The following WBP4 variants were observed in gnomAD, a reference collection of about 807,000 sequenced individuals.
WBP4 encodes WW domain-binding protein 4.
WBP4 carries 37 observed loss-of-function variants against 55.4 expected under a neutral mutation model. The observed-to-expected ratio is 0.67, with a 90% CI of 0.51 to 0.88. The LOEUF is 0.88. Ranked by LOEUF, WBP4 falls within the 40% of genes least tolerant of loss-of-function variation. WBP4 has a pLI of 0.00. For synonymous variants in WBP4, 142 were observed against 140.2 expected (o/e 1.01, Z -0.09); for missense variants, 398 against 420.8 (o/e 0.95, Z 0.47).
At chr13:41,075,633 G>A (rs1301314058) in intron 7 of WBP4, among the ~76,000 whole-genome samples, 2 of 152,134 alleles carry the variant, frequency 1.3e-5, no homozygotes, top group African/African-American at 4.8e-5. Context: ...CTCCTACCTC[G>A]CCTTTTCAAA....
Position 41,080,756 on chromosome 13 carries a change from G to A in WBP4, c.867G>A (p.Lys289=), listed in dbSNP as rs1432464123. The A allele has an allele frequency of 6.2e-7, 1 of 1,607,666 alleles. No individual in the cohort carries two copies. The highest frequency in any genetic ancestry group is 2.2e-5 in the East Asian group (1 of 44,816). ...ATGAAGAAAAATCGAAAACTCTTAA[G>A]AAATCAAACCCATATGGAGAATGGC... is the stretch of plus-strand genomic sequence containing the variant. ...GSNEEKSKTL[K]KSNPYGEWQE... is the part of the protein sequence containing the mutation. The change falls in exon 9 of 10, where the codon AAG becomes AAA. Residue 289 remains lysine (K), a synonymous_variant. Transcript: ENST00000379487.
intron 4 of WBP4, among the ~76,000 whole-genome samples, chr13:41,065,542 T>TA (rs1199774824): frequency 1.3e-5 from 2 of 152,204 alleles, no homozygotes; most frequent in African/African-American, 4.8e-5. Context: ...ATCCTAGTTC[T>TA]ATCCTAGGTA....
intron 2 of WBP4, among the ~76,000 whole-genome samples, 188 bp downstream of exon 2, chr13:41,062,904 C>T (rs1301381833): frequency 1.3e-5 from 2 of 152,128 alleles, no homozygotes; most frequent in Non-Finnish European, 2.9e-5. Flanking sequence ...ATCAACCTGA[C>T]TTTGATTATA....
intron 6 of WBP4, 69 bp downstream of exon 6, chr13:41,071,642 G>C (rs1048222315): frequency 2.1e-6 from 3 of 1,459,190 alleles, no homozygotes; most frequent in Non-Finnish European, 1.9e-6. Context: ...GGTTTTTGTA[G>C]AGTTTTGCTA....
intron 5 of WBP4, among the ~76,000 whole-genome samples, chr13:41,070,920 A>G (rs1878214956): frequency 2.0e-5 from 3 of 152,194 alleles, no homozygotes; most frequent in South Asian, 4.1e-4. Flanking sequence ...ACTATGTAGA[A>G]ATATTAATCC....
intron 7 of WBP4, among the ~76,000 whole-genome samples, chr13:41,075,124 G>A (rs201448216): frequency 6.6e-6 from 1 of 152,188 alleles, no homozygotes; most frequent in East Asian, 1.9e-4. Flanking sequence ...GTTTATTCCT[G>A]GACCAGAATA....
Position 41,083,007 on chromosome 13 carries a change from T to G in WBP4, c.*93T>G. On this transcript the variant is annotated 3_prime_UTR_variant, in exon 10 of 10. Transcript: ENST00000379487. The stretch of plus-strand genomic sequence containing the variant: ...TGTTTGTTTGTAAGTATTATGATGC[T>G]AAAAATTTAGATTTATTCTAAATGT... The G allele has an allele frequency of 8.7e-7, 1 of 1,143,364 alleles. No individual in the cohort carries two copies. The highest frequency in any genetic ancestry group is 1.2e-6 in the Non-Finnish European group (1 of 809,418). 70.8% of individuals were successfully genotyped at this position (1,143,364 alleles called of 1,614,324 possible).
chr13:41,063,425 CT>C (rs1456854219), intron 2 of WBP4, among the ~76,000 whole-genome samples: 34 of 152,240 alleles, frequency 2.2e-4, no homozygotes, highest in African/African-American at 7.2e-4. Context: ...CTGTGGATTT[CT>C]TCTGTAGACA....
chr13:41,069,705 C>CAAAA (rs35819905), intron 5 of WBP4, among the ~76,000 whole-genome samples: 4 of 75,870 alleles, frequency 5.3e-5, no homozygotes, highest in Middle Eastern at 6.7e-3. Flanking sequence ...GACTCTGCCT[C>CAAAA]AAAAAAAAAA....
intron 5 of WBP4, among the ~76,000 whole-genome samples, chr13:41,069,568 A>G (rs1878136767): frequency 6.6e-6 from 1 of 152,134 alleles, no homozygotes; most frequent in Non-Finnish European, 1.5e-5. Flanking sequence ...AGGCTGAGGC[A>G]GGAGAATGGC....
intron 7 of WBP4, among the ~76,000 whole-genome samples, chr13:41,074,257 C>G (rs1039795095): frequency 1.3e-5 from 2 of 152,148 alleles, no homozygotes; most frequent in Admixed American, 1.3e-4. Flanking sequence ...AATGTTTCAT[C>G]TAATTTAACA....
At chr13:41,064,988 TTTG>T (rs746470755) in intron 2 of WBP4, 25 bp from the exon 3 acceptor site, 9 of 1,531,866 alleles carry the variant, frequency 5.9e-6, no homozygotes, top group Non-Finnish European at 7.9e-6. Context: ...GTAGTTTTCT[TTTG>T]TTATTTTCTC....
At chr13:41,062,154 TC>T in intron 1 of WBP4, 1 of 982,090 alleles carries the variant, frequency 1.0e-6, no homozygotes, top group Non-Finnish European at 1.2e-6. Flanking sequence ...CCATGGCTTT[TC>T]CAGTTCTCTC....
intron 7 of WBP4, among the ~76,000 whole-genome samples, chr13:41,073,167 C>T (rs1445171370): frequency 1.3e-5 from 2 of 152,118 alleles, no homozygotes; most frequent in Admixed American, 6.5e-5. Context: ...ATAGTCATTA[C>T]CTTGGAAGGT....
Position 41,062,902 on chromosome 13 carries a change from G to A in WBP4, c.75+186G>A, listed in dbSNP as rs116862953. Among the ~76,000 whole-genome samples, 415 of 152,202 alleles carry A rather than the reference G, an allele frequency of 2.7e-3. 8 individuals carry two copies. The East Asian group carries it at 0.049, about 18-fold the overall frequency. ...GAGCCTTCTTCCTTTTCATCAACCT[G>A]ACTTTGATTATATATTAAATTATTT... On this transcript the variant is annotated intron_variant, in intron 2 of 9. Transcript: ENST00000379487.
intron 5 of WBP4, 104 bp from the exon 6 acceptor site, chr13:41,071,423 C>G (rs982309787): frequency 4.8e-6 from 4 of 832,108 alleles, no homozygotes; most frequent in Non-Finnish European, 7.8e-6. Flanking sequence ...AATTGTAGAC[C>G]TGTAGTGTTT....
At chr13:41,076,272 T>TTTA (rs1878487268) in intron 8 of WBP4, 35 bp downstream of exon 8, 1 of 349,296 alleles carries the variant, frequency 2.9e-6, no homozygotes, top group African/African-American at 3.1e-5. Context: ...ACATCAAATT[T>TTTA]TTTTTTTTTT....
At chr13:41,062,173 G>A (rs1182008121) in intron 1 of WBP4, 1 of 952,554 alleles carries the variant, frequency 1.0e-6, no homozygotes, top group African/African-American at 2.1e-5. Flanking sequence ...CTCTTGCCTT[G>A]AGGCTCAAGA....
At chr13:41,075,963 G>T in intron 7 of WBP4, 81 bp from the exon 8 acceptor site, 8 of 1,387,424 alleles carry the variant, frequency 5.8e-6, no homozygotes, top group Non-Finnish European at 7.0e-6. Context: ...TTTAATAATT[G>T]TAAGTGATAA....
Sources: allele counts gnomAD v4.1 joint callset (sites outside exome capture counted in the v4.1 genomes callset), GRCh38; gene constraint gnomAD v4.1.1; transcripts MANE v1.5; gene names NCBI Gene and HGNC (gene_info 2026-07-23, HGNC 2026-07-21).